Variants in COL19A1 observed in about 807,000 individuals in gnomAD.
COL19A1 encodes collagen type XIX alpha 1 chain, also known as collagen alpha-1(XIX) chain.
In COL19A1, 159 loss-of-function variants were observed where a neutral mutation model predicts 190.2. The ratio of observed to expected loss-of-function variants is 0.84; its 90% CI spans 0.73 to 0.95. The LOEUF is 0.95. COL19A1 is among the 40% of genes least tolerant of loss of function. The probability of loss-of-function intolerance (pLI) is 0.00; values close to 1 mark genes in which losing one functional copy is unlikely to be tolerated. For missense variants in COL19A1, 1,418 were observed against 1,431.9 expected, an observed-to-expected ratio of 0.99 and a Z score of 0.16; for synonymous variants, 509 against 458.9, an observed-to-expected ratio of 1.11 and a Z score of -1.39.
intron 11 of COL19A1, among the ~76,000 whole-genome samples, chr6:69,995,099 T>C (rs1776827421): frequency 6.6e-6 from 1 of 152,174 alleles, no homozygotes; most frequent in South Asian, 2.1e-4. Flanking sequence ...ACTTGCCCCA[T>C]TATTTGTCAT....
At chr6:69,951,284 A>G (rs968741582) in intron 9 of COL19A1, among the ~76,000 whole-genome samples, 6 of 151,924 alleles carry the variant, frequency 3.9e-5, no homozygotes, top group Non-Finnish European at 8.8e-5. Context: ...CAGGAATTAT[A>G]TTGCATCTAC....
intron 9 of COL19A1, 146 bp from the exon 10 acceptor site, chr6:69,959,850 C>T (rs918201010): frequency 1.8e-6 from 1 of 567,524 alleles, no homozygotes; most frequent in African/African-American, 1.9e-5. Flanking sequence ...AAATAAGGAA[C>T]AGATGGAAAG....
intron 17 of COL19A1, among the ~76,000 whole-genome samples, chr6:70,122,857 C>G (rs1415700064): frequency 6.6e-6 from 1 of 152,066 alleles, no homozygotes; most frequent in Non-Finnish European, 1.5e-5. Context: ...ACAAGGTCAA[C>G]ATAAAGACTT....
At chr6:70,067,287 G>T (rs550956912) in intron 14 of COL19A1, among the ~76,000 whole-genome samples, 10 of 152,234 alleles carry the variant, frequency 6.6e-5, no homozygotes, top group South Asian at 2.1e-4. Flanking sequence ...CAGCAGGAGT[G>T]GAGAGAAATG....
At chr6:69,948,155 G>T (rs755708190) in intron 9 of COL19A1, among the ~76,000 whole-genome samples, 10 of 151,742 alleles carry the variant, frequency 6.6e-5, no homozygotes, top group Admixed American at 5.9e-4. Flanking sequence ...TGATTGTTTA[G>T]ATTTCAGATC....
chr6:70,025,026 CTT>C (rs1201144149), intron 12 of COL19A1, among the ~76,000 whole-genome samples: 30 of 137,626 alleles, frequency 2.2e-4, no homozygotes, highest in South Asian at 2.3e-4. Flanking sequence ...GGGATAGATT[CTT>C]TTTTTTTTTT....
At chr6:69,968,840 G>C (rs1277599744) in intron 11 of COL19A1, among the ~76,000 whole-genome samples, 1 of 152,076 alleles carries the variant, frequency 6.6e-6, no homozygotes, top group Admixed American at 6.6e-5. Flanking sequence ...ACATTCTGGG[G>C]CAGCATCTAG....
At chr6:70,096,099 T>A (rs1037549265) in intron 15 of COL19A1, among the ~76,000 whole-genome samples, 3 of 151,358 alleles carry the variant, frequency 2.0e-5, no homozygotes, top group South Asian at 2.1e-4. Context: ...TTTTTTTTTT[T>A]GAGAGAGGGT....
At chr6:70,088,719 A>G (rs957627576) in intron 15 of COL19A1, among the ~76,000 whole-genome samples, 4 of 152,152 alleles carry the variant, frequency 2.6e-5, no homozygotes, top group Admixed American at 6.6e-5. Context: ...ATATTCTAAT[A>G]CCAGACTATG....
At chr6:70,168,275 A>G (rs927975176) in intron 39 of COL19A1, 60 bp downstream of exon 39, 6 of 1,550,758 alleles carry the variant, frequency 3.9e-6, no homozygotes, top group Middle Eastern at 1.7e-4. Context: ...TGAAAAACAA[A>G]CAATAAAAAC....
intron 23 of COL19A1, 127 bp from the exon 24 acceptor site, chr6:70,144,083 C>A (rs1382631432): frequency 7.9e-6 from 6 of 763,528 alleles, no homozygotes; most frequent in Non-Finnish European, 1.2e-5. Context: ...CAAAATCAAT[C>A]CAACTCCTTC....
At chr6:70,168,759 T>G in intron 40 of COL19A1, 78 bp downstream of exon 40, 3 of 1,495,860 alleles carry the variant, frequency 2.0e-6, no homozygotes, top group Admixed American at 3.5e-5. Context: ...TCGGGCAAAA[T>G]GGCCTGCCTT....
chr6:70,092,924 T>G (rs1052651564), intron 15 of COL19A1, among the ~76,000 whole-genome samples: 2 of 152,214 alleles, frequency 1.3e-5, no homozygotes, highest in African/African-American at 4.8e-5. Flanking sequence ...TTTCACGGGC[T>G]TAGCCTCTGA....
At chr6:70,087,517 G>A (rs566894337) in intron 15 of COL19A1, among the ~76,000 whole-genome samples, 2 of 152,228 alleles carry the variant, frequency 1.3e-5, no homozygotes, top group East Asian at 1.9e-4. Context: ...AGGTCAGAGA[G>A]TCCACACGGA....
Position 70,208,352 on chromosome 6 carries a change from A to G in COL19A1, c.*1078A>G, listed in dbSNP as rs1371342163. The G allele has an allele frequency of 2.0e-5, 3 of 152,338 alleles. No homozygotes were observed. The highest frequency in any genetic ancestry group is 7.2e-5 in the African/African-American group (3 of 41,478). The allele number at this position is 152,338 out of a possible 1,614,324, so 9.4% of individuals were successfully genotyped here. A position where few individuals can be genotyped will look rare whatever the true frequency, so the allele number is the denominator to read the frequency against. ...AGAAGGTGAAGCCCAAAAGCTCTTAAGGAGAATTGTATTTCTCCAGAAGCT... is the reference window on the plus strand; with the variant it reads ...AGAAGGTGAAGCCCAAAAGCTCTTAGGGAGAATTGTATTTCTCCAGAAGCT... On this transcript the variant is annotated 3_prime_UTR_variant, in exon 51 of 51. Transcript: ENST00000620364.
intron 14 of COL19A1, among the ~76,000 whole-genome samples, chr6:70,049,978 A>G (rs966344928): frequency 5.3e-5 from 8 of 152,276 alleles, no homozygotes; most frequent in African/African-American, 1.9e-4. Flanking sequence ...TTCGAATTAT[A>G]TTAATTCCAA....
chr6:70,039,137 A>G (rs985534144), intron 14 of COL19A1, among the ~76,000 whole-genome samples: 4 of 152,270 alleles, frequency 2.6e-5, no homozygotes, highest in Admixed American at 2.0e-4. Context: ...TCTAATTCCC[A>G]GACTGTACCA....
chr6:70,153,548 AT>A (rs762852666), intron 31 of COL19A1, among the ~76,000 whole-genome samples: 3 of 152,142 alleles, frequency 2.0e-5, no homozygotes, highest in Non-Finnish European at 4.4e-5. Flanking sequence ...TCAGTTTCAA[AT>A]GACTCTTAAA....
At chr6:69,868,919 T>A (rs1404481047) in intron 1 of COL19A1, among the ~76,000 whole-genome samples, 1 of 151,948 alleles carries the variant, frequency 6.6e-6, no homozygotes, top group South Asian at 2.1e-4. Flanking sequence ...TTAGAAACCA[T>A]GGTAGTGTGA....
Sources: gnomAD v4.1 joint callset for allele counts (sites outside exome capture counted in the v4.1 genomes callset) on GRCh38, gnomAD v4.1.1 for gene constraint, MANE v1.5 for transcripts, NCBI Gene and HGNC (gene_info 2026-07-23, HGNC 2026-07-21) for gene names.